PCDHGA6: variants seen among roughly 807,000 people sequenced by gnomAD.
PCDHGA6 encodes protocadherin gamma-A6.
PCDHGA6 carries 41 observed loss-of-function variants against 60.6 expected under a neutral mutation model. That is an observed-to-expected ratio of 0.68 (90% CI 0.53 to 0.88). PCDHGA6 has a LOEUF of 0.88. PCDHGA6 is among the 40% of genes least tolerant of loss of function. The probability of loss-of-function intolerance (pLI) is 0.00; values close to 1 mark genes in which losing one functional copy is unlikely to be tolerated. For missense variants in PCDHGA6, 1,312 were observed against 1,203.0 expected, an observed-to-expected ratio of 1.09 and a Z score of -1.34; for synonymous variants, 594 against 524.4, an observed-to-expected ratio of 1.13 and a Z score of -1.81.
intron 1 of PCDHGA6, among the ~76,000 whole-genome samples, chr5:141,450,666 T>G (rs1434496607): frequency 6.6e-6 from 1 of 151,890 alleles, no homozygotes; most frequent in African/African-American, 2.4e-5. Context: ...TTTGTACTTT[T>G]AGTAGAAACG....
At position 141,493,157 on chromosome 5, in the gene PCDHGA6, T is replaced by C. The variant is rs1261889479; in HGVS notation, c.2425-1650T>C. ...TTGAAACACCCCCAGGTGATTTTGATAGCTGATTGAGAGAAACTTACTATA... is the reference window on the plus strand; with the variant it reads ...TTGAAACACCCCCAGGTGATTTTGACAGCTGATTGAGAGAAACTTACTATA... On this transcript the variant is annotated intron_variant, in intron 1 of 3. Coordinates refer to ENST00000517434, the MANE Select transcript of PCDHGA6 (RefSeq NM_018919.3). This position sits in a 1 kb window ranked among gnomAD's most constrained non-coding sequence, Gnocchi z 4.3. 2.0e-5 allele frequency among the ~76,000 whole-genome samples: 3 copies of C among 152,224 alleles called. No individual in the cohort carries two copies. Among genetic ancestry groups the C allele is most frequent in the Admixed American group, 6.5e-5 (1 of 15,286 alleles).
chr5:141,428,858 GACT>G (rs1348026268), intron 1 of PCDHGA6: 1 of 139,194 alleles, frequency 7.2e-6, no homozygotes, highest in African/African-American at 3.0e-5. Flanking sequence ...TTTTACGGGA[GACT>G]TTTTTTTTTT....
chr5:141,375,199 C>G lies in PCDHGA6; in HGVS notation c.1116C>G (p.Phe372Leu), dbSNP rs188091361. ...PGTVIALFQV[F>L]DRDSGLNGLV... ...CAGTAATCGCCCTTTTTCAAGTGTT[C>G]GATCGAGACTCTGGCCTGAATGGCC... Residue 372 changes from phenylalanine to leucine, a missense_variant, in exon 1 of 4, where the codon TTC becomes TTG. Physicochemically the swap from Phe to Leu is conservative, Grantham distance 22 (BLOSUM62 0). Coordinates refer to ENST00000517434, the MANE Select transcript of PCDHGA6 (RefSeq NM_018919.3). The G allele has an allele frequency of 5.2e-5, 84 of 1,613,924 alleles. No individual in the cohort carries two copies. In the East Asian group the frequency reaches 1.8e-3, roughly 35 times the overall value.
Position 141,485,856 on chromosome 5 carries a change from T to C in PCDHGA6, c.2425-8951T>C. ...CCGCCGAGATCTGGCACCGCAGAGC[T>C]CCGGGTATCCGTGCTGGACGTAAAC... is the stretch of plus-strand genomic sequence containing the variant. On this transcript the variant is annotated intron_variant, in intron 1 of 3. Coordinates refer to ENST00000517434, the MANE Select transcript of PCDHGA6 (RefSeq NM_018919.3). The surrounding 1 kb of genome is among the most constrained non-coding windows in gnomAD (Gnocchi z 5.7). 1 of 1,614,108 alleles carries C rather than the reference T, an allele frequency of 6.2e-7. No individual in the cohort carries two copies. The highest frequency in any genetic ancestry group is 8.5e-7 in the Non-Finnish European group (1 of 1,180,014).
intron 1 of PCDHGA6, chr5:141,423,380 G>A: frequency 6.2e-7 from 1 of 1,614,178 alleles, no homozygotes; most frequent in Non-Finnish European, 8.5e-7. Context: ...CTCAGGCTGT[G>A]GCGCTGGCAT....
At chr5:141,488,189 T>G (rs574621860) in intron 1 of PCDHGA6, among the ~76,000 whole-genome samples, 2 of 152,316 alleles carry the variant, frequency 1.3e-5, no homozygotes, top group Non-Finnish European at 2.9e-5. Context: ...TCTTTTGGTC[T>G]GGGTCTTAGG....
At position 141,487,147 on chromosome 5, in the gene PCDHGA6, T is replaced by C; in HGVS notation, c.2425-7660T>C. 1 of 1,614,122 alleles carries C rather than the reference T, an allele frequency of 6.2e-7. No individual in the cohort carries two copies. Among genetic ancestry groups the C allele is most frequent in the Non-Finnish European group, 8.5e-7 (1 of 1,179,952 alleles). On this transcript the variant is annotated intron_variant, in intron 1 of 3. Transcript: ENST00000517434. This position sits in a 1 kb window ranked among gnomAD's most constrained non-coding sequence, Gnocchi z 5.0. ...GTGGTAGTCCACCACTCTCTACCTC[T>C]GTTACTCTCTTAGTGTCCTTAGAGG...
intron 1 of PCDHGA6, among the ~76,000 whole-genome samples, chr5:141,438,587 C>CATAT (rs1372372472): frequency 2.7e-5 from 2 of 73,430 alleles, no homozygotes; most frequent in Non-Finnish European, 5.2e-5. Context: ...TACATACATA[C>CATAT]ATACATATAT....
rs749781059 is a variant in PCDHGA6 at position 141,477,983 on chromosome 5, C to G, written c.2425-16824C>G. On this transcript the variant is annotated intron_variant, in intron 1 of 3. Coordinates refer to ENST00000517434, the MANE Select transcript of PCDHGA6 (RefSeq NM_018919.3). This position sits in a 1 kb window ranked among gnomAD's most constrained non-coding sequence, Gnocchi z 4.9. ...TAACCAGAGCCTTTTTGCCATAGGG[C>G]TGCACACTGGTCAAATCAGTACTGC... The G allele has an allele frequency of 1.7e-5, 27 of 1,614,126 alleles. No homozygotes were observed. The highest frequency in any genetic ancestry group is 2.3e-5 in the Non-Finnish European group (27 of 1,180,024).
chr5:141,404,722 G>C (rs1335640902), intron 1 of PCDHGA6: 2 of 1,614,138 alleles, frequency 1.2e-6, no homozygotes, highest in South Asian at 1.1e-5. Flanking sequence ...TGGTGACCAA[G>C]GTGGTGGCAG....
At chr5:141,402,202 A>G (rs1223519214) in intron 1 of PCDHGA6, among the ~76,000 whole-genome samples, 1 of 152,138 alleles carries the variant, frequency 6.6e-6, no homozygotes. Flanking sequence ...CTTTTATAAT[A>G]CAAAAATTTA....
In PCDHGA6 at chr5:141,418,521, C is replaced by G. The variant is rs1246716171; in HGVS notation, c.2424+42014C>G. The G allele has an allele frequency of 3.7e-6, 6 of 1,613,840 alleles. No individual in the cohort carries two copies. The Admixed American group carries it at 1.0e-4, about 27-fold the overall frequency. On this transcript the variant is annotated intron_variant, in intron 1 of 3. Coordinates refer to ENST00000517434, the MANE Select transcript of PCDHGA6 (RefSeq NM_018919.3). ...ACCGCCTTAGATGGTGGGGACCCTC[C>G]CCGAAGCGGTACTGCTCAGATAAGA...
intron 1 of PCDHGA6, chr5:141,428,289 G>A: frequency 1.4e-6 from 1 of 728,400 alleles, no homozygotes; most frequent in Non-Finnish European, 2.4e-6. Context: ...CCCAAGCAAA[G>A]CTGCAGATTT....
chr5:141,429,330 T>C (rs2097204620), intron 1 of PCDHGA6, among the ~76,000 whole-genome samples: 1 of 152,188 alleles, frequency 6.6e-6, no homozygotes, highest in East Asian at 1.9e-4. Flanking sequence ...CTTTAATCCA[T>C]TAACTATAAA....
intron 2 of PCDHGA6, among the ~76,000 whole-genome samples, chr5:141,501,306 C>T (rs1016823458): frequency 5.3e-5 from 8 of 151,412 alleles, no homozygotes; most frequent in Non-Finnish European, 8.8e-5. Context: ...CACACACACA[C>T]ACACACACAC....
At position 141,505,425 on chromosome 5, in the gene PCDHGA6, C is replaced by G; in HGVS notation, c.2516C>G (p.Pro839Arg). 1 of 1,614,178 alleles carries G rather than the reference C, an allele frequency of 6.2e-7. No individual in the cohort carries two copies. Among genetic ancestry groups the G allele is most frequent in the Non-Finnish European group, 8.5e-7 (1 of 1,180,014 alleles). ...SQNGDDTGTW[P>R]NNQFDTEMLQ... ...AATGGCGATGACACCGGCACCTGGC[C>G]CAACAACCAGTTTGACACAGAGATG... The change falls in exon 3 of 4, where the codon CCC becomes CGC. Residue 839 changes from proline to arginine, a missense_variant. Transcript: ENST00000517434.
Position 141,477,350 on chromosome 5 carries a change from A to G in PCDHGA6, c.2425-17457A>G. The G allele has an allele frequency of 6.2e-7, 1 of 1,614,142 alleles. No individual in the cohort carries two copies. Among genetic ancestry groups the G allele is most frequent in the Non-Finnish European group, 8.5e-7 (1 of 1,180,016 alleles). On this transcript the variant is annotated intron_variant, in intron 1 of 3. Transcript: ENST00000517434. The surrounding 1 kb of genome is among the most constrained non-coding windows in gnomAD (Gnocchi z 4.9). ...CAAGAATTACTTCACTTTGAAAACC[A>G]GTGCAGACCTGGATCGGGAGACTGT...
At chr5:141,422,566 A>G (rs2096656660) in intron 1 of PCDHGA6, 1 of 1,614,020 alleles carries the variant, frequency 6.2e-7, no homozygotes, top group Non-Finnish European at 8.5e-7. Flanking sequence ...GGCAGATGAC[A>G]ACGATAACCC....
intron 1 of PCDHGA6, chr5:141,418,882 C>G: frequency 1.2e-6 from 2 of 1,613,960 alleles, no homozygotes; most frequent in Non-Finnish European, 1.7e-6. Flanking sequence ...TAGACGAAAA[C>G]GACAACAGCC....
Sources: allele counts gnomAD v4.1 joint callset (sites outside exome capture counted in the v4.1 genomes callset), GRCh38; gene constraint gnomAD v4.1.1; non-coding constraint Gnocchi (gnomAD v3.1); transcripts MANE v1.5; gene names NCBI Gene and HGNC (gene_info 2026-07-23, HGNC 2026-07-21).